SPTLC2: variants seen among roughly 807,000 people sequenced by gnomAD.
The protein encoded by SPTLC2 is serine palmitoyltransferase long chain base subunit 2.
In SPTLC2, 21 loss-of-function variants were observed where a neutral mutation model predicts 62.0. That is an observed-to-expected ratio of 0.34 (90% CI 0.24 to 0.49). The LOEUF is 0.49. Among genes scored for constraint, SPTLC2 ranks in the 20% least tolerant of loss-of-function variants. SPTLC2 has a pLI of 0.99. For synonymous variants in SPTLC2, 261 were observed against 261.8 expected (o/e 1.00, Z 0.03); for missense variants, 511 against 713.0 (o/e 0.72, Z 3.23).
intron 2 of SPTLC2, among the ~76,000 whole-genome samples, chr14:77,594,578 T>C (rs964363161): frequency 5.3e-5 from 8 of 152,158 alleles, no homozygotes; most frequent in Middle Eastern, 3.2e-3. Context: ...CTGGGCAACA[T>C]GGCGAGACGC....
At chr14:77,543,806 A>G (rs1159999722) in intron 9 of SPTLC2, among the ~76,000 whole-genome samples, 1 of 152,158 alleles carries the variant, frequency 6.6e-6, no homozygotes, top group Non-Finnish European at 1.5e-5. Context: ...AGCTGTTCAG[A>G]AGGGAGTGTC....
At chr14:77,515,580 C>T (rs2079354827) in intron 11 of SPTLC2, among the ~76,000 whole-genome samples, 1 of 138,844 alleles carries the variant, frequency 7.2e-6, no homozygotes, top group Non-Finnish European at 1.5e-5. Context: ...GACAGAGTCT[C>T]GCACTGTCGC....
intron 3 of SPTLC2, 95 bp downstream of exon 3, chr14:77,578,860 A>G: frequency 7.2e-7 from 1 of 1,396,304 alleles, no homozygotes; most frequent in East Asian, 2.3e-5. Context: ...TGCTACTCCT[A>G]TTTTGAGAGA....
chr14:77,564,919 T>A (rs1038309424), intron 5 of SPTLC2, among the ~76,000 whole-genome samples: 2 of 151,764 alleles, frequency 1.3e-5, no homozygotes, highest in Non-Finnish European at 2.9e-5. Context: ...ATAGAAAGAA[T>A]GAGAAAAATA....
chr14:77,516,137 C>T (rs1044255584), intron 11 of SPTLC2, among the ~76,000 whole-genome samples: 1 of 152,096 alleles, frequency 6.6e-6, no homozygotes, highest in Non-Finnish European at 1.5e-5. Flanking sequence ...TTCCATAAAA[C>T]ATCATAAGAC....
At chr14:77,555,023 G>T in intron 8 of SPTLC2, 1 of 443,440 alleles carries the variant, frequency 2.3e-6, no homozygotes, top group East Asian at 4.8e-5. Context: ...GGCGGGCAGG[G>T]AGCACCACTG....
At chr14:77,591,344 G>GT (rs2079815427) in intron 2 of SPTLC2, among the ~76,000 whole-genome samples, 1 of 152,218 alleles carries the variant, frequency 6.6e-6, no homozygotes, top group Admixed American at 6.5e-5. Flanking sequence ...TGAGGAAGGA[G>GT]TGACTGCTAA....
rs2079588784 is a variant in SPTLC2 at position 77,557,154 on chromosome 14, G to A, written c.851-8C>T. ...TCTCTAGGCTTTGCATATCTACAGA[G>A]CACAAAAAAGAACAGTTATACCGCA... On this transcript the variant is annotated splice_region_variant and splice_polypyrimidine_tract_variant and intron_variant, in intron 6 of 11. Transcript: ENST00000216484. The A allele has an allele frequency of 6.2e-7, 1 of 1,607,700 alleles. No individual in the cohort carries two copies. Among genetic ancestry groups the A allele is most frequent in the East Asian group, 2.2e-5 (1 of 44,858 alleles).
At chr14:77,513,890 T>C (rs1215829501) in intron 11 of SPTLC2, among the ~76,000 whole-genome samples, 2 of 99,472 alleles carry the variant, frequency 2.0e-5, no homozygotes, top group Non-Finnish European at 4.2e-5. Flanking sequence ...AGCAAAACTC[T>C]GTCTCAAAAA....
At position 77,507,771 on chromosome 14, in the gene SPTLC2, A is replaced by G. The variant is rs2079312813; in HGVS notation, c.*4513T>C. On this transcript the variant is annotated 3_prime_UTR_variant, in exon 12 of 12. Coordinates refer to ENST00000216484, the MANE Select transcript of SPTLC2 (RefSeq NM_004863.4). ...ATCCACGTGAAGCAAGTAGCAGGGTATCTGTAGGTTCTGGGACTGAAAAAA... is the reference window on the plus strand; with the variant it reads ...ATCCACGTGAAGCAAGTAGCAGGGTGTCTGTAGGTTCTGGGACTGAAAAAA... The G allele has an allele frequency of 1.3e-5, 2 of 152,182 alleles. No homozygotes were observed. The highest frequency in any genetic ancestry group is 4.1e-4 in the South Asian group (2 of 4,832). 9.4% of individuals were successfully genotyped at this position (152,182 alleles called of 1,614,324 possible).
intron 2 of SPTLC2, among the ~76,000 whole-genome samples, chr14:77,582,358 T>C (rs2079756509): frequency 6.6e-6 from 1 of 152,164 alleles, no homozygotes. Flanking sequence ...CCGGCCAATC[T>C]CATTTCTTTA....
chr14:77,609,371 A>G (rs933683499), intron 1 of SPTLC2, among the ~76,000 whole-genome samples: 2 of 152,182 alleles, frequency 1.3e-5, no homozygotes, highest in African/African-American at 4.8e-5. Flanking sequence ...ATATCCTTTT[A>G]TATGGATATA....
chr14:77,585,996 G>C (rs2079778796), intron 2 of SPTLC2, among the ~76,000 whole-genome samples: 1 of 152,002 alleles, frequency 6.6e-6, no homozygotes, highest in South Asian at 2.1e-4. Context: ...AAATGGCACA[G>C]CCAAGGTGGA....
At chr14:77,608,402 A>G (rs937184277) in intron 1 of SPTLC2, among the ~76,000 whole-genome samples, 1 of 152,208 alleles carries the variant, frequency 6.6e-6, no homozygotes, top group African/African-American at 2.4e-5. Flanking sequence ...ATTATCATCA[A>G]AAAAATAGAA....
chr14:77,611,846 C>T (rs2079940109), intron 1 of SPTLC2, among the ~76,000 whole-genome samples: 1 of 151,698 alleles, frequency 6.6e-6, no homozygotes, highest in African/African-American at 2.4e-5. Context: ...AAACCTAACG[C>T]AGAGATTATC....
At chr14:77,556,215 C>T (rs367777071) in intron 7 of SPTLC2, among the ~76,000 whole-genome samples, 6 of 151,948 alleles carry the variant, frequency 3.9e-5, no homozygotes, top group African/African-American at 7.2e-5. Flanking sequence ...CCCAGCTACT[C>T]GGGAGGCTAA....
In SPTLC2 at chr14:77,522,665, G is replaced by C. The variant is rs185813660; in HGVS notation, c.1304-1084C>G. Among the ~76,000 whole-genome samples, 787 of 152,212 alleles carry C rather than the reference G, an allele frequency of 5.2e-3. 9 individuals carry two copies. The highest frequency in any genetic ancestry group is 0.016 in the African/African-American group (675 of 41,528). On this transcript the variant is annotated intron_variant, in intron 9 of 11. Coordinates refer to ENST00000216484, the MANE Select transcript of SPTLC2 (RefSeq NM_004863.4). Reference sequence around the variant, plus strand: ...TCTTTGAAAAGATATCCAAACAACTGTTCTGTTATACAGAGCAAAGCAATA... The same window carrying C: ...TCTTTGAAAAGATATCCAAACAACTCTTCTGTTATACAGAGCAAAGCAATA...
At position 77,585,928 on chromosome 14, in the gene SPTLC2, G is replaced by A. The variant is rs919192360; in HGVS notation, c.328-6819C>T. Reference sequence around the variant, plus strand: ...ACTCAAAAGGAGCATAGCCCTAAACGTAAAATATAAAACTATAAGACTCAG... The same window carrying A: ...ACTCAAAAGGAGCATAGCCCTAAACATAAAATATAAAACTATAAGACTCAG... On this transcript the variant is annotated intron_variant, in intron 2 of 11. Transcript: ENST00000216484. Among the ~76,000 whole-genome samples, 7 of 152,154 alleles carry A rather than the reference G, an allele frequency of 4.6e-5. No individual in the cohort carries two copies. In the East Asian group the frequency reaches 5.8e-4, roughly 13 times the overall value.
chr14:77,548,711 T>C (rs77742077), intron 9 of SPTLC2, among the ~76,000 whole-genome samples: 6,688 of 152,190 alleles, frequency 0.044, 156 homozygotes, highest in Middle Eastern at 0.099. Flanking sequence ...AACCTAGTCA[T>C]ATGTCCTGTT....
Sources: allele counts gnomAD v4.1 joint callset (sites outside exome capture counted in the v4.1 genomes callset), GRCh38; gene constraint gnomAD v4.1.1; transcripts MANE v1.5; gene names NCBI Gene and HGNC (gene_info 2026-07-23, HGNC 2026-07-21).